VWC2L: variants seen among roughly 807,000 people sequenced by gnomAD.
The protein encoded by VWC2L is von Willebrand factor C domain-containing protein 2-like.
Under a neutral mutation model 21.6 loss-of-function variants are expected in VWC2L, and 10 were observed. The observed-to-expected ratio is 0.46, with a 90% confidence interval of 0.29 to 0.78. The LOEUF (loss-of-function observed/expected upper bound fraction) is 0.78, where lower values mean the gene tolerates loss of function less well. VWC2L is among the 30% of genes least tolerant of loss of function. VWC2L has a pLI of 0.10. For missense variants in VWC2L, 209 were observed against 277.1 expected, an observed-to-expected ratio of 0.75 and a Z score of 1.74; for synonymous variants, 96 against 94.3, an observed-to-expected ratio of 1.02 and a Z score of -0.10.
At chr2:214,470,916 C>CAAGAAAAAAAAAAAAAA (rs1703297456) in intron 3 of VWC2L, among the ~76,000 whole-genome samples, 1 of 50,794 alleles carries the variant, frequency 2.0e-5, no homozygotes. Context: ...AACTCCATCT[C>CAAGAAAAAAAAAAAAAA]AAAAAAAAAA....
intron 3 of VWC2L, among the ~76,000 whole-genome samples, chr2:214,481,175 T>C (rs1459431468): frequency 6.6e-6 from 1 of 152,166 alleles, no homozygotes; most frequent in Admixed American, 6.5e-5. Flanking sequence ...TAAACAGAGG[T>C]GGAGTCGATT....
chr2:214,558,537 A>T (rs1689911644), intron 3 of VWC2L, among the ~76,000 whole-genome samples: 1 of 152,198 alleles, frequency 6.6e-6, no homozygotes, highest in Admixed American at 6.5e-5. Flanking sequence ...CCACACATTC[A>T]GTCTACCACC....
intron 3 of VWC2L, among the ~76,000 whole-genome samples, chr2:214,529,015 T>C (rs1048576171): frequency 6.6e-6 from 1 of 152,172 alleles, no homozygotes; most frequent in African/African-American, 2.4e-5. Context: ...TTAGCAGGTA[T>C]ACATAAACAA....
intron 3 of VWC2L, among the ~76,000 whole-genome samples, chr2:214,483,590 A>G (rs1317863708): frequency 6.6e-6 from 1 of 152,182 alleles, no homozygotes; most frequent in African/African-American, 2.4e-5. Flanking sequence ...GAAAACAGCA[A>G]TACGTTTACA....
At chr2:214,503,108 C>T (rs564539159) in intron 3 of VWC2L, among the ~76,000 whole-genome samples, 1 of 152,168 alleles carries the variant, frequency 6.6e-6, no homozygotes, top group East Asian at 1.9e-4. Flanking sequence ...AACCCAAGAA[C>T]CTGCAAATTA....
At chr2:214,468,201 A>C (rs1027296663) in intron 3 of VWC2L, among the ~76,000 whole-genome samples, 1 of 151,974 alleles carries the variant, frequency 6.6e-6, no homozygotes, top group African/African-American at 2.4e-5. Flanking sequence ...GTTTTTATTA[A>C]AGACGGAGTT....
At chr2:214,524,968 C>A (rs1689305777) in intron 3 of VWC2L, among the ~76,000 whole-genome samples, 1 of 144,936 alleles carries the variant, frequency 6.9e-6, no homozygotes. Flanking sequence ...ATGTCAAGTA[C>A]AAGACAGGGC....
chr2:214,548,438 A>G (rs1689743823), intron 3 of VWC2L, among the ~76,000 whole-genome samples: 1 of 152,222 alleles, frequency 6.6e-6, no homozygotes, highest in East Asian at 1.9e-4. Context: ...ACAATTCATA[A>G]ATAAATGTCC....
chr2:214,552,867 G>A lies in VWC2L; in HGVS notation c.521-22805G>A, dbSNP rs904957473. On this transcript the variant is annotated intron_variant, in intron 3 of 3. Coordinates refer to ENST00000312504, the MANE Select transcript of VWC2L (RefSeq NM_001080500.4). ...TTAAGCTTTCCACTTGTAAGCCAAA[G>A]ACATTTAAAATGCACTATCTCTATA... Among the ~76,000 whole-genome samples, 15 of 152,150 alleles carry A rather than the reference G, an allele frequency of 9.9e-5. 1 individual carries two copies. Among genetic ancestry groups the A allele is most frequent in the African/African-American group, 3.6e-4 (15 of 41,444 alleles).
chr2:214,423,762 A>G (rs1002849831), intron 2 of VWC2L, among the ~76,000 whole-genome samples: 5 of 152,186 alleles, frequency 3.3e-5, no homozygotes, highest in Admixed American at 6.5e-5. Context: ...ACCAAACAAT[A>G]TAGGCCAAAA....
At chr2:214,574,171 C>G (rs1234304879) in intron 3 of VWC2L, among the ~76,000 whole-genome samples, 1 of 152,010 alleles carries the variant, frequency 6.6e-6, no homozygotes, top group African/African-American at 2.4e-5. Context: ...ACAAAATGAA[C>G]AAGAAGCACC....
intron 3 of VWC2L, among the ~76,000 whole-genome samples, chr2:214,571,891 A>G (rs1690155132): frequency 6.6e-6 from 1 of 151,914 alleles, no homozygotes; most frequent in Admixed American, 6.6e-5. Flanking sequence ...GGCTCAAGCA[A>G]TTCTCCACAG....
chr2:214,535,797 AACACACACAC>A (rs10581608), intron 3 of VWC2L, among the ~76,000 whole-genome samples: 2 of 149,988 alleles, frequency 1.3e-5, no homozygotes, highest in East Asian at 4.0e-4. Flanking sequence ...GGAAAAATGA[AACACACACAC>A]ACACACACAC....
intron 3 of VWC2L, among the ~76,000 whole-genome samples, chr2:214,527,148 A>G (rs767865024): frequency 5.3e-5 from 8 of 152,196 alleles, no homozygotes; most frequent in Non-Finnish European, 1.0e-4. Flanking sequence ...ACACAGGAAC[A>G]GAAAACCAAA....
At chr2:214,431,756 A>C (rs935223698) in intron 2 of VWC2L, among the ~76,000 whole-genome samples, 10 of 152,222 alleles carry the variant, frequency 6.6e-5, no homozygotes, top group African/African-American at 2.2e-4. Context: ...CAACCATTAA[A>C]ATTGATACAC....
At position 214,578,260 on chromosome 2, in the gene VWC2L, T is replaced by C. The variant is rs766031192; in HGVS notation, c.*2440T>C. On this transcript the variant is annotated 3_prime_UTR_variant, in exon 4 of 4. Transcript: ENST00000312504. ...CCTTTTTTAGAAAACAGAAAGAGAG[T>C]ACAACTGGGAAGCTGAAGTGCAGAA... 5.9e-5 allele frequency: 9 copies of C among 151,974 alleles called. No homozygotes were observed. The highest frequency in any genetic ancestry group is 1.3e-4 in the Non-Finnish European group (9 of 68,006). The allele number at this position is 151,974 out of a possible 1,614,324, so 9.4% of individuals were successfully genotyped here. A position where few individuals can be genotyped will look rare whatever the true frequency, so the allele number is the denominator to read the frequency against.
chr2:214,484,320 G>C (rs1402394665), intron 3 of VWC2L, among the ~76,000 whole-genome samples: 4 of 152,142 alleles, frequency 2.6e-5, no homozygotes, highest in African/African-American at 9.7e-5. Flanking sequence ...CAACTAGTCT[G>C]AATTCTTTCC....
rs148118438 is a variant in VWC2L, at chr2:214,417,231, T to C, written c.390+2648T>C. 2.8e-4 allele frequency among the ~76,000 whole-genome samples: 43 copies of C among 152,272 alleles called. 1 individual carries two copies. The East Asian group carries it at 7.5e-3, about 27-fold the overall frequency. ...CATAAATATATTCATCCAACAAGCATTTATCAGACCGTTCAGTAGATAAGA... is the reference window on the plus strand; with the variant it reads ...CATAAATATATTCATCCAACAAGCACTTATCAGACCGTTCAGTAGATAAGA... On this transcript the variant is annotated intron_variant, in intron 2 of 3. Transcript: ENST00000312504.
At chr2:214,496,649 T>A (rs1372686566) in intron 3 of VWC2L, among the ~76,000 whole-genome samples, 1 of 152,228 alleles carries the variant, frequency 6.6e-6, no homozygotes, top group Non-Finnish European at 1.5e-5. Context: ...AAGCACAGAT[T>A]GAAGGGAAAT....
Sources: gnomAD v4.1 joint callset for allele counts (sites outside exome capture counted in the v4.1 genomes callset) on GRCh38, gnomAD v4.1.1 for gene constraint, MANE v1.5 for transcripts, NCBI Gene and HGNC (gene_info 2026-07-23, HGNC 2026-07-21) for gene names.